CACNB2: variants seen among roughly 807,000 people sequenced by gnomAD.
The protein encoded by CACNB2 is calcium voltage-gated channel auxiliary subunit beta 2.
CACNB2 carries 42 observed loss-of-function variants against 73.3 expected under a neutral mutation model. The ratio of observed to expected loss-of-function variants is 0.57; its 90% CI spans 0.45 to 0.74. CACNB2 has a LOEUF of 0.74. CACNB2 is among the 30% of genes least tolerant of loss of function. CACNB2 has a pLI of 0.00. For synonymous variants in CACNB2, 348 were observed against 310.3 expected, an observed-to-expected ratio of 1.12 and a Z score of -1.28; for missense variants, 940 against 853.0, an observed-to-expected ratio of 1.10 and a Z score of -1.27.
At chr10:18,425,447 G>A (rs937716337) in intron 3 of CACNB2, among the ~76,000 whole-genome samples, 2 of 152,150 alleles carry the variant, frequency 1.3e-5, no homozygotes, top group African/African-American at 4.8e-5. Flanking sequence ...CAGGAGGACT[G>A]CTTGAGCTGA....
chr10:18,425,390 G>T lies in CACNB2; in HGVS notation c.333+23347G>T, dbSNP rs766409010. Among the ~76,000 whole-genome samples the T allele has an allele frequency of 4.6e-5, 7 of 152,284 alleles. No individual in the cohort carries two copies. The East Asian group carries it at 7.7e-4, about 17-fold the overall frequency. On this transcript the variant is annotated intron_variant, in intron 3 of 13. Transcript: ENST00000324631. ...TGTTTAAGAAATTCTTTCCTGGCCA[G>T]GTGTGGTGGCTCAATCCTGTAACCC...
At chr10:18,430,587 G>A (rs988399944) in intron 3 of CACNB2, among the ~76,000 whole-genome samples, 8 of 152,082 alleles carry the variant, frequency 5.3e-5, no homozygotes, top group Non-Finnish European at 8.8e-5. Context: ...CCGTGATTGC[G>A]CCACTGCACT....
intron 2 of CACNB2, chr10:18,341,002 C>G: frequency 6.2e-7 from 1 of 1,611,920 alleles, no homozygotes; most frequent in South Asian, 1.1e-5. Flanking sequence ...GAGAAGCCGG[C>G]CAGATGCACG....
intron 3 of CACNB2, among the ~76,000 whole-genome samples, chr10:18,441,251 A>T (rs1306648481): frequency 6.6e-6 from 1 of 152,186 alleles, no homozygotes; most frequent in African/African-American, 2.4e-5. Context: ...TAAAAATAGA[A>T]AAAATTAGCT....
intron 2 of CACNB2, among the ~76,000 whole-genome samples, chr10:18,169,176 A>G (rs900559615): frequency 6.8e-6 from 1 of 147,310 alleles, no homozygotes; most frequent in African/African-American, 2.5e-5. Flanking sequence ...CTTTTTTATT[A>G]TATTTTTGGC....
intron 6 of CACNB2, 85 bp from the exon 7 acceptor site, chr10:18,514,151 T>C (rs2051047497): frequency 7.1e-7 from 1 of 1,417,488 alleles, no homozygotes. Context: ...TTTACTATGG[T>C]TAGTTTTATT....
intron 7 of CACNB2, among the ~76,000 whole-genome samples, chr10:18,515,339 CTT>C (rs2133135322): frequency 6.6e-6 from 1 of 152,190 alleles, no homozygotes; most frequent in South Asian, 2.1e-4. Context: ...TTTTTCCCCT[CTT>C]TTACCCATCA....
rs543920509 is a variant in CACNB2, at chr10:18,403,637, AAAG to A, written c.333+1597_333+1599del. On this transcript the variant is annotated intron_variant, in intron 3 of 13. Transcript: ENST00000324631. ...GTCATGAGTTAGATGACATTGCTGC[AAAG>A]AACTTTTAAAGTATCTTTTAACCAA... Among the ~76,000 whole-genome samples the A allele has an allele frequency of 2.4e-3, 365 of 152,322 alleles. 3 individuals carry two copies. Among genetic ancestry groups the A allele is most frequent in the South Asian group, 0.014 (66 of 4,818 alleles).
chr10:18,231,226 G>C (rs957906307), intron 2 of CACNB2, among the ~76,000 whole-genome samples: 21 of 152,154 alleles, frequency 1.4e-4, no homozygotes, highest in African/African-American at 4.3e-4. Context: ...GCCCAGGCTA[G>C]AGTGCAGTGG....
At chr10:18,258,329 ATT>A (rs1034955065) in intron 2 of CACNB2, among the ~76,000 whole-genome samples, 3 of 152,170 alleles carry the variant, frequency 2.0e-5, no homozygotes, top group African/African-American at 4.8e-5. Context: ...GGGATAGATC[ATT>A]TCCCCAGTGT....
intron 2 of CACNB2, among the ~76,000 whole-genome samples, chr10:18,225,136 C>CT (rs993844486): frequency 3.1e-3 from 454 of 146,720 alleles, no homozygotes; most frequent in African/African-American, 7.5e-3. Context: ...ACATAATAAG[C>CT]TTTTTTTTTT....
intron 2 of CACNB2, among the ~76,000 whole-genome samples, chr10:18,280,631 A>G (rs531521750): frequency 2.6e-5 from 4 of 152,326 alleles, no homozygotes; most frequent in Non-Finnish European, 4.4e-5. Context: ...CACAGAATGT[A>G]CAACTGTACA....
intron 2 of CACNB2, among the ~76,000 whole-genome samples, chr10:18,306,595 T>A (rs543073183): frequency 6.6e-6 from 1 of 152,128 alleles, no homozygotes; most frequent in South Asian, 2.1e-4. Flanking sequence ...GGGGTCAGGG[T>A]GAAACTGGAT....
At chr10:18,324,472 G>C (rs945751890) in intron 2 of CACNB2, among the ~76,000 whole-genome samples, 1 of 152,192 alleles carries the variant, frequency 6.6e-6, no homozygotes, top group African/African-American at 2.4e-5. Flanking sequence ...TGTGCAAAGA[G>C]ACATAAATAA....
At chr10:18,500,136 T>G (rs1196611398) in intron 4 of CACNB2, among the ~76,000 whole-genome samples, 2 of 152,192 alleles carry the variant, frequency 1.3e-5, no homozygotes, top group African/African-American at 4.8e-5. Flanking sequence ...CTCTTCTTGA[T>G]GATTGATGCT....
rs560547599 is a variant in CACNB2 at position 18,502,149 on chromosome 10, A to G, written c.593+1201A>G. Among the ~76,000 whole-genome samples the G allele has an allele frequency of 1.2e-4, 18 of 152,186 alleles. No individual in the cohort carries two copies. The South Asian group carries it at 2.3e-3, about 19-fold the overall frequency. On this transcript the variant is annotated intron_variant, in intron 5 of 13. Coordinates refer to ENST00000324631, the MANE Select transcript of CACNB2 (RefSeq NM_201596.3). Reference sequence around the variant, plus strand: ...TGGTGAAACCCCATCTCTACTAAAAATCCAAAAATTAGCTGGGCATGGTGG... The same window carrying G: ...TGGTGAAACCCCATCTCTACTAAAAGTCCAAAAATTAGCTGGGCATGGTGG...
intron 3 of CACNB2, among the ~76,000 whole-genome samples, chr10:18,415,098 T>C (rs1161742111): frequency 6.6e-6 from 1 of 152,206 alleles, no homozygotes; most frequent in Non-Finnish European, 1.5e-5. Flanking sequence ...GGTGGTTTCT[T>C]CCTCAAGAAG....
At chr10:18,432,572 C>T (rs1291011853) in intron 3 of CACNB2, among the ~76,000 whole-genome samples, 1 of 152,124 alleles carries the variant, frequency 6.6e-6, no homozygotes. Flanking sequence ...GTGACTTACA[C>T]CTGTATTCCC....
At chr10:18,536,226 A>C in intron 12 of CACNB2, 30 bp downstream of exon 12, 1 of 712,470 alleles carries the variant, frequency 1.4e-6, no homozygotes, top group Non-Finnish European at 2.4e-6. Context: ...AGCATAATCC[A>C]GTTACAGAGA....
Sources: allele counts gnomAD v4.1 joint callset (sites outside exome capture counted in the v4.1 genomes callset), GRCh38; gene constraint gnomAD v4.1.1; transcripts MANE v1.5; gene names NCBI Gene and HGNC (gene_info 2026-07-23, HGNC 2026-07-21).